Variants in TENM2 observed in about 807,000 individuals in gnomAD.
TENM2 encodes the protein teneurin transmembrane protein 2.
A neutral mutation model predicts 245.2 loss-of-function variants in TENM2; 52 were observed. The observed-to-expected ratio is 0.21, with a 90% CI of 0.17 to 0.27. The LOEUF is 0.27. Ranked by LOEUF, TENM2 falls within the 10% of genes least tolerant of loss-of-function variation. The pLI, the probability that TENM2 is intolerant of heterozygous loss-of-function variation, is 1.00. For missense variants in TENM2, 3,046 were observed against 3,666.8 expected, an observed-to-expected ratio of 0.83 and a Z score of 4.37; for synonymous variants, 1,363 against 1,438.9, an observed-to-expected ratio of 0.95 and a Z score of 1.19.
chr5:167,028,090 A>C, the TENM2 span, among the ~76,000 whole-genome samples: 1 of 151,294 alleles, frequency 6.6e-6, no homozygotes, highest in East Asian at 1.9e-4. Context: ...AAAAAAAAAA[A>C]AGTTACGTAG....
chr5:168,096,504 C>T (rs780716449), intron 8 of TENM2, among the ~76,000 whole-genome samples: 1 of 152,180 alleles, frequency 6.6e-6, no homozygotes, highest in Non-Finnish European at 1.5e-5. Context: ...CAAATATACT[C>T]ATTGAGTTTT....
chr5:167,592,611 C>T (rs953211973), intron 2 of TENM2, among the ~76,000 whole-genome samples: 6 of 152,144 alleles, frequency 3.9e-5, no homozygotes, highest in Non-Finnish European at 8.8e-5. Context: ...CTCCAAGATG[C>T]GATTTCATTC....
At chr5:167,661,459 G>A (rs1393630752) in intron 2 of TENM2, among the ~76,000 whole-genome samples, 1 of 152,150 alleles carries the variant, frequency 6.6e-6, no homozygotes, top group African/African-American at 2.4e-5. Context: ...TTGAATATTA[G>A]CACCTGGAAA....
chr5:167,455,600 CA>C (rs1765870397), intron 2 of TENM2, among the ~76,000 whole-genome samples: 1 of 151,920 alleles, frequency 6.6e-6, no homozygotes, highest in Non-Finnish European at 1.5e-5. Flanking sequence ...TTTGTCAGTA[CA>C]TTAATTTTAG....
chr5:167,511,806 A>G (rs1285373917), intron 2 of TENM2, among the ~76,000 whole-genome samples: 3 of 152,200 alleles, frequency 2.0e-5, no homozygotes, highest in African/African-American at 7.2e-5. Flanking sequence ...TATATTTACA[A>G]CCACACATTT....
At chr5:168,153,827 G>A (rs1756871516) in intron 12 of TENM2, among the ~76,000 whole-genome samples, 2 of 152,236 alleles carry the variant, frequency 1.3e-5, no homozygotes, top group South Asian at 4.1e-4. Flanking sequence ...CTGGTCCCAG[G>A]ACCACACTTT....
chr5:167,213,707 A>C, the TENM2 span, among the ~76,000 whole-genome samples: 1 of 152,244 alleles, frequency 6.6e-6, no homozygotes, highest in East Asian at 1.9e-4. Flanking sequence ...TTAGATGAGT[A>C]GCCTCTATAA....
At chr5:167,485,651 A>G (rs1374301338) in intron 2 of TENM2, among the ~76,000 whole-genome samples, 2 of 152,102 alleles carry the variant, frequency 1.3e-5, no homozygotes, top group Non-Finnish European at 2.9e-5. Flanking sequence ...TTCAGAGTGC[A>G]GTGGGTTGAA....
intron 2 of TENM2, among the ~76,000 whole-genome samples, chr5:167,827,243 C>T (rs761429017): frequency 3.3e-5 from 5 of 152,206 alleles, no homozygotes; most frequent in African/African-American, 4.8e-5. Flanking sequence ...TCAGAATTAA[C>T]ACTCTCATCT....
Position 167,663,974 on chromosome 5 carries a change from A to C in TENM2, c.503-212012A>C, listed in dbSNP as rs910161186. Reference sequence around the variant, plus strand: ...GTTATAGGCTGAATCTCATAATTTCACTATCTAATGTTATTTTCTGTTGTT... The same window carrying C: ...GTTATAGGCTGAATCTCATAATTTCCCTATCTAATGTTATTTTCTGTTGTT... On this transcript the variant is annotated intron_variant, in intron 2 of 28. Coordinates refer to ENST00000518659, the Ensembl canonical transcript of TENM2. 1.6e-3 allele frequency among the ~76,000 whole-genome samples: 244 copies of C among 152,286 alleles called. 1 individual carries two copies. Among genetic ancestry groups the C allele is most frequent in the African/African-American group, 5.5e-3 (230 of 41,550 alleles).
chr5:167,781,048 C>T (rs57989047), intron 2 of TENM2, among the ~76,000 whole-genome samples: 12,060 of 152,226 alleles, frequency 0.079, 556 homozygotes, highest in Non-Finnish European at 0.096. Context: ...CGGTGGCTCA[C>T]GCTTGTAATC....
the TENM2 span, among the ~76,000 whole-genome samples, chr5:167,051,732 T>C: frequency 6.6e-6 from 1 of 152,186 alleles, no homozygotes; most frequent in African/African-American, 2.4e-5. Flanking sequence ...ATAATCTTTT[T>C]CCCTTCCCAA....
At chr5:167,478,427 A>G (rs978196185) in intron 2 of TENM2, among the ~76,000 whole-genome samples, 2 of 152,198 alleles carry the variant, frequency 1.3e-5, no homozygotes, top group Non-Finnish European at 2.9e-5. Context: ...AAATGTAGGA[A>G]ACGGCATAGA....
intron 4 of TENM2, among the ~76,000 whole-genome samples, chr5:167,985,069 T>A (rs950168013): frequency 1.3e-5 from 2 of 152,242 alleles, no homozygotes; most frequent in African/African-American, 4.8e-5. Flanking sequence ...CTTTATGGGC[T>A]GCCTCTTTAT....
intron 27 of TENM2, among the ~76,000 whole-genome samples, chr5:168,253,006 G>T (rs1349620646): frequency 6.6e-6 from 1 of 151,884 alleles, no homozygotes; most frequent in African/African-American, 2.4e-5. Flanking sequence ...TTGCTCTGTC[G>T]CCCAGGCTGG....
exon 27 of TENM2, chr5:168,248,088 C>T (rs777867612): frequency 1.5e-5 from 24 of 1,613,852 alleles, no homozygotes; most frequent in Non-Finnish European, 1.9e-5. Flanking sequence ...GCATCAACGG[C>T]CTCATGATCA....
intron 2 of TENM2, among the ~76,000 whole-genome samples, chr5:167,628,857 A>T (rs1778685270): frequency 1.3e-5 from 2 of 152,148 alleles, no homozygotes; most frequent in Non-Finnish European, 2.9e-5. Flanking sequence ...ATTCATTCTT[A>T]CTTTCTTTAT....
At chr5:167,112,491 T>C in the TENM2 span, among the ~76,000 whole-genome samples, 1 of 152,320 alleles carries the variant, frequency 6.6e-6, no homozygotes, top group Admixed American at 6.5e-5. Context: ...TGTGGGGTAA[T>C]AAATTGTCTT....
the TENM2 span, among the ~76,000 whole-genome samples, chr5:167,044,369 A>G: frequency 1.5e-4 from 23 of 152,292 alleles, 1 homozygote; most frequent in East Asian, 3.7e-3. Flanking sequence ...GGAGGAAAAA[A>G]ATGTTAAGAA....
Sources: gnomAD v4.1 joint callset for allele counts (sites outside exome capture counted in the v4.1 genomes callset) on GRCh38, gnomAD v4.1.1 for gene constraint, MANE v1.5 for transcripts, NCBI Gene and HGNC (gene_info 2026-07-23, HGNC 2026-07-21) for gene names.